Variants in TBXAS1 observed in about 807,000 individuals in gnomAD.
TBXAS1 encodes thromboxane-A synthase.
A neutral mutation model predicts 60.7 loss-of-function variants in TBXAS1; 48 were observed. The observed-to-expected ratio is 0.79, with a 90% CI of 0.63 to 1.01. The LOEUF is 1.01. Ranked by LOEUF, TBXAS1 falls within the 50% of genes least tolerant of loss-of-function variation. TBXAS1 has a pLI of 0.00. For missense variants in TBXAS1, 685 were observed against 686.3 expected (o/e 1.00, Z 0.02); for synonymous variants, 287 against 269.7 (o/e 1.06, Z -0.63).
At chr7:139,959,544 C>T (rs953989225) in intron 8 of TBXAS1, among the ~76,000 whole-genome samples, 3 of 152,160 alleles carry the variant, frequency 2.0e-5, no homozygotes, top group African/African-American at 7.2e-5. Context: ...TTCTCCAGTG[C>T]ACGGGCCCTG....
intron 3 of TBXAS1, among the ~76,000 whole-genome samples, chr7:139,895,058 G>A (rs1313847194): frequency 6.6e-6 from 1 of 152,186 alleles, no homozygotes; most frequent in Non-Finnish European, 1.5e-5. Context: ...AGGAAACCCA[G>A]AAAGAACAGG....
At chr7:139,992,571 G>T (rs899880608) in intron 9 of TBXAS1, among the ~76,000 whole-genome samples, 6 of 152,248 alleles carry the variant, frequency 3.9e-5, no homozygotes, top group Non-Finnish European at 8.8e-5. Flanking sequence ...GAAGGCAAAG[G>T]GCTGAAATAG....
chr7:139,904,343 C>A (rs925381757), intron 3 of TBXAS1, among the ~76,000 whole-genome samples: 26 of 152,082 alleles, frequency 1.7e-4, no homozygotes, highest in African/African-American at 6.3e-4. Flanking sequence ...GTTTTGGTAG[C>A]TATGGCCTTA....
intron 4 of TBXAS1, among the ~76,000 whole-genome samples, chr7:139,927,151 C>T (rs752697758): frequency 4.7e-5 from 7 of 149,892 alleles, no homozygotes; most frequent in African/African-American, 7.5e-5. Flanking sequence ...TGCACCACCA[C>T]GCCCGGCTAT....
chr7:139,844,844 G>C (rs745498490), intron 1 of TBXAS1, among the ~76,000 whole-genome samples: 3 of 152,196 alleles, frequency 2.0e-5, no homozygotes, highest in Non-Finnish European at 4.4e-5. Context: ...GTGGAAATCA[G>C]CCAGGCCTTT....
At chr7:139,959,681 A>G (rs975653067) in intron 8 of TBXAS1, among the ~76,000 whole-genome samples, 1 of 152,126 alleles carries the variant, frequency 6.6e-6, no homozygotes. Flanking sequence ...AGTTTTGCCC[A>G]TGGAAAAATA....
intron 5 of TBXAS1, among the ~76,000 whole-genome samples, chr7:139,937,259 C>T (rs1481095444): frequency 6.6e-6 from 1 of 152,236 alleles, no homozygotes; most frequent in African/African-American, 2.4e-5. Flanking sequence ...GCTTCCAAAG[C>T]TTGGCTTGAG....
At chr7:139,936,551 A>G (rs913235335) in intron 5 of TBXAS1, among the ~76,000 whole-genome samples, 1 of 152,180 alleles carries the variant, frequency 6.6e-6, no homozygotes, top group Non-Finnish European at 1.5e-5. Context: ...ACAAGTACAC[A>G]GGGCATTCGC....
At chr7:139,783,530 T>G (rs1345781286) in intron 3 of TBXAS1, among the ~76,000 whole-genome samples, 1 of 151,740 alleles carries the variant, frequency 6.6e-6, no homozygotes, top group African/African-American at 2.4e-5. Flanking sequence ...TTATGGGAGG[T>G]AGGTAATAGC....
chr7:139,844,701 G>A (rs1429458429), intron 1 of TBXAS1, among the ~76,000 whole-genome samples: 1 of 152,220 alleles, frequency 6.6e-6, no homozygotes, highest in Non-Finnish European at 1.5e-5. Flanking sequence ...AAGAGGGAGT[G>A]TAGTCAGTTG....
intron 4 of TBXAS1, among the ~76,000 whole-genome samples, chr7:139,935,206 C>T (rs955239529): frequency 5.3e-5 from 8 of 152,200 alleles, no homozygotes; most frequent in Non-Finnish European, 1.2e-4. Context: ...CTCAGGACAC[C>T]AAAATTTGTG....
chr7:139,939,408 G>C (rs1369734753), intron 5 of TBXAS1, among the ~76,000 whole-genome samples: 2 of 145,354 alleles, frequency 1.4e-5, no homozygotes, highest in African/African-American at 5.1e-5. Flanking sequence ...AAGAGGTAGA[G>C]AGAGATTTCA....
intron 1 of TBXAS1, among the ~76,000 whole-genome samples, chr7:139,853,682 G>T (rs1026777822): frequency 1.3e-5 from 2 of 152,138 alleles, no homozygotes; most frequent in Non-Finnish European, 2.9e-5. Flanking sequence ...ATCTGTTGGG[G>T]TTCACCGGAG....
intron 7 of TBXAS1, among the ~76,000 whole-genome samples, chr7:139,956,858 T>C (rs909132840): frequency 1.3e-5 from 2 of 152,288 alleles, no homozygotes; most frequent in Admixed American, 6.5e-5. Flanking sequence ...CTCCTGCTGC[T>C]GTGTCACATT....
chr7:139,809,245 A>AGATAGATAGAT (rs1797962755), intron 4 of TBXAS1, among the ~76,000 whole-genome samples: 3 of 51,412 alleles, frequency 5.8e-5, no homozygotes, highest in Admixed American at 2.0e-4. Flanking sequence ...ATAGATAGAT[A>AGATAGATAGAT]GATAGATAGA....
chr7:139,952,027 A>G (rs1023995112), intron 5 of TBXAS1, among the ~76,000 whole-genome samples: 2 of 152,012 alleles, frequency 1.3e-5, no homozygotes, highest in East Asian at 3.9e-4. Flanking sequence ...AAAGGAAGGA[A>G]GGAGGGAAGG....
At chr7:139,781,450 A>G in intron 2 of TBXAS1, among the ~76,000 whole-genome samples, 1 of 152,144 alleles carries the variant, frequency 6.6e-6, no homozygotes, top group East Asian at 1.9e-4. Flanking sequence ...AGGGCAGAGA[A>G]GTTGGAGGAC....
chr7:139,904,985 TTCTC>T (rs915574980), intron 3 of TBXAS1, among the ~76,000 whole-genome samples: 43 of 134,566 alleles, frequency 3.2e-4, no homozygotes, highest in Non-Finnish European at 4.8e-4. Flanking sequence ...TTCTTTCTCT[TTCTC>T]TCTTTCTCTC....
chr7:140,017,809 G>T lies in TBXAS1; in HGVS notation c.1503G>T (p.Arg501=). ...LTLLHVLHKF[R]FQACPETQVP... is the part of the protein sequence containing the mutation. ...TGCTCCACGTGCTGCACAAGTTCCG[G>T]TTCCAAGCCTGCCCTGAGACCCAGG... Residue 501 remains arginine (R), a synonymous_variant, in exon 12 of 13, where the codon CGG becomes CGT. Transcript: ENST00000448866. 2 of 1,614,068 alleles carry T rather than the reference G, an allele frequency of 1.2e-6. No individual in the cohort carries two copies. The highest frequency in any genetic ancestry group is 1.7e-6 in the Non-Finnish European group (2 of 1,179,974).
Sources: allele counts gnomAD v4.1 joint callset (sites outside exome capture counted in the v4.1 genomes callset), GRCh38; gene constraint gnomAD v4.1.1; transcripts MANE v1.5; gene names NCBI Gene and HGNC (gene_info 2026-07-23, HGNC 2026-07-21).